Variants in SSBP2 observed in about 807,000 individuals in gnomAD.
SSBP2 encodes single-stranded DNA-binding protein 2.
Under a neutral mutation model 61.8 loss-of-function variants are expected in SSBP2, and 17 were observed. The observed-to-expected ratio is 0.28, with a 90% CI of 0.19 to 0.41. The LOEUF (loss-of-function observed/expected upper bound fraction) is 0.41, where lower values mean the gene tolerates loss of function less well. Among genes scored for constraint, SSBP2 ranks in the 10% least tolerant of loss-of-function variants. The pLI is 1.00. For missense variants in SSBP2, 310 were observed against 458.7 expected (o/e 0.68, Z 2.96); for synonymous variants, 139 against 141.3 (o/e 0.98, Z 0.12).
chr5:81,553,430 C>T (rs1234777445), intron 4 of SSBP2, among the ~76,000 whole-genome samples: 1 of 152,158 alleles, frequency 6.6e-6, no homozygotes, highest in East Asian at 1.9e-4. Context: ...ATACTAGCTA[C>T]TCCCTAAACC....
chr5:81,624,696 G>T (rs555446577), intron 3 of SSBP2, among the ~76,000 whole-genome samples: 2 of 152,076 alleles, frequency 1.3e-5, no homozygotes, highest in African/African-American at 4.8e-5. Flanking sequence ...CAAAATATAT[G>T]ATTTTAGTCC....
intron 4 of SSBP2, among the ~76,000 whole-genome samples, chr5:81,602,290 G>A (rs1346332560): frequency 6.6e-6 from 1 of 152,018 alleles, no homozygotes; most frequent in Non-Finnish European, 1.5e-5. Flanking sequence ...AATGTTATAG[G>A]TTTCTACGCA....
At chr5:81,548,069 T>C (rs563883277) in intron 4 of SSBP2, among the ~76,000 whole-genome samples, 131 of 152,190 alleles carry the variant, frequency 8.6e-4, no homozygotes, top group Non-Finnish European at 1.7e-3. Context: ...TAAAAAATTA[T>C]TGCTAAAAAC....
chr5:81,493,981 C>A (rs185392844), intron 5 of SSBP2, among the ~76,000 whole-genome samples: 28 of 152,208 alleles, frequency 1.8e-4, no homozygotes, highest in Middle Eastern at 3.4e-3. Context: ...AAAATGACTA[C>A]CCGCTGATTA....
intron 2 of SSBP2, among the ~76,000 whole-genome samples, chr5:81,648,073 G>A (rs1749421102): frequency 6.6e-6 from 1 of 152,040 alleles, no homozygotes; most frequent in African/African-American, 2.4e-5. Flanking sequence ...ATACAAGGAA[G>A]GAGATCATTA....
chr5:81,616,221 G>C (rs1018996142), intron 3 of SSBP2: 7 of 149,894 alleles, frequency 4.7e-5, no homozygotes, highest in African/African-American at 1.7e-4. Context: ...GTGCCAGACA[G>C]TGGGCGCAGG....
At chr5:81,571,023 A>C (rs977897988) in intron 4 of SSBP2, among the ~76,000 whole-genome samples, 1 of 152,196 alleles carries the variant, frequency 6.6e-6, no homozygotes, top group African/African-American at 2.4e-5. Flanking sequence ...TCATTATCAC[A>C]TGACATATTT....
intron 1 of SSBP2, among the ~76,000 whole-genome samples, chr5:81,674,398 T>C (rs910683816): frequency 1.3e-5 from 2 of 152,202 alleles, no homozygotes; most frequent in Non-Finnish European, 2.9e-5. Context: ...TGGCTCACTG[T>C]AGACCAATGT....
chr5:81,516,919 A>G (rs867364963), intron 4 of SSBP2, among the ~76,000 whole-genome samples: 1 of 152,122 alleles, frequency 6.6e-6, no homozygotes, highest in Non-Finnish European at 1.5e-5. Context: ...AAATTTATCC[A>G]TGATCCACAG....
intron 4 of SSBP2, among the ~76,000 whole-genome samples, chr5:81,575,422 T>C (rs1455917951): frequency 1.3e-5 from 2 of 152,204 alleles, no homozygotes; most frequent in African/African-American, 4.8e-5. Flanking sequence ...AGTAGAAGGT[T>C]CTTTCATAGC....
At chr5:81,456,724 T>C (rs1203809579) in intron 10 of SSBP2, among the ~76,000 whole-genome samples, 1 of 152,198 alleles carries the variant, frequency 6.6e-6, no homozygotes, top group Non-Finnish European at 1.5e-5. Context: ...TATTTGGAAT[T>C]AAAAATATGA....
At chr5:81,462,949 T>C (rs903448522) in intron 9 of SSBP2, among the ~76,000 whole-genome samples, 20 of 152,030 alleles carry the variant, frequency 1.3e-4, no homozygotes, top group Non-Finnish European at 2.5e-4. Context: ...TATTTTTATT[T>C]TCAAATTTTT....
At chr5:81,691,295 A>G (rs1753185239) in intron 1 of SSBP2, among the ~76,000 whole-genome samples, 1 of 152,134 alleles carries the variant, frequency 6.6e-6, no homozygotes, top group Non-Finnish European at 1.5e-5. Flanking sequence ...CCAAAGATAA[A>G]CAAAATCAAT....
chr5:81,653,325 AT>A (rs1749920633), intron 1 of SSBP2, among the ~76,000 whole-genome samples: 3 of 152,148 alleles, frequency 2.0e-5, no homozygotes, highest in South Asian at 4.2e-4. Flanking sequence ...TATGTGCCAC[AT>A]TTTCTTTATC....
At chr5:81,677,611 G>A (rs1328874908) in intron 1 of SSBP2, among the ~76,000 whole-genome samples, 3 of 152,080 alleles carry the variant, frequency 2.0e-5, no homozygotes, top group Non-Finnish European at 4.4e-5. Flanking sequence ...CTCACACTAA[G>A]TATCAGAGAA....
intron 16 of SSBP2, among the ~76,000 whole-genome samples, chr5:81,421,171 T>C (rs1284218268): frequency 6.6e-6 from 1 of 152,172 alleles, no homozygotes; most frequent in African/African-American, 2.4e-5. Flanking sequence ...TTTAAGCATC[T>C]TGCCCATAAT....
chr5:81,744,861 G>GTA lies in SSBP2; in HGVS notation c.62+6118_62+6119dup, dbSNP rs1757252173. On this transcript the variant is annotated intron_variant, in intron 1 of 16. Coordinates refer to ENST00000320672, the MANE Select transcript of SSBP2 (RefSeq NM_012446.5). ...ACATTCTTAAAGGAAAAAGATGAGA[G>GTA]TAGTTTTGTCATTTCTAAAGAAATG... Among the ~76,000 whole-genome samples, 4 of 152,120 alleles carry GTA rather than the reference G, an allele frequency of 2.6e-5. No individual in the cohort carries two copies. In the South Asian group the frequency reaches 8.3e-4, roughly 32 times the overall value.
At chr5:81,479,524 TCAAG>T (rs1765826880) in intron 6 of SSBP2, among the ~76,000 whole-genome samples, 1 of 152,046 alleles carries the variant, frequency 6.6e-6, no homozygotes, top group Non-Finnish European at 1.5e-5. Flanking sequence ...ACTCCTGACC[TCAAG>T]TGATCCACCC....
chr5:81,735,836 C>CT (rs1435476210), intron 1 of SSBP2, among the ~76,000 whole-genome samples: 1 of 152,118 alleles, frequency 6.6e-6, no homozygotes, highest in Non-Finnish European at 1.5e-5. Context: ...GATAACCATA[C>CT]TTTATCATTT....
Sources: allele counts gnomAD v4.1 joint callset (sites outside exome capture counted in the v4.1 genomes callset), GRCh38; gene constraint gnomAD v4.1.1; transcripts MANE v1.5; gene names NCBI Gene and HGNC (gene_info 2026-07-23, HGNC 2026-07-21).